Variants in RBM47 observed in about 807,000 individuals in gnomAD.
RBM47 encodes the protein RNA-binding protein 47.
Under a neutral mutation model 47.1 loss-of-function variants are expected in RBM47, and 21 were observed. The observed-to-expected ratio is 0.45, with a 90% CI of 0.32 to 0.64. The LOEUF is 0.64. RBM47 is among the 30% of genes least tolerant of loss of function. The pLI is 0.05. For missense variants in RBM47, 708 were observed against 870.9 expected, an observed-to-expected ratio of 0.81 and a Z score of 2.35; for synonymous variants, 375 against 361.7, an observed-to-expected ratio of 1.04 and a Z score of -0.42.
At chr4:40,580,792 G>C (rs1732821751) in intron 1 of RBM47, among the ~76,000 whole-genome samples, 1 of 152,238 alleles carries the variant, frequency 6.6e-6, no homozygotes, top group Admixed American at 6.5e-5. Context: ...AGTGGTAAAA[G>C]TTGTGAGGTA....
intron 2 of RBM47, among the ~76,000 whole-genome samples, chr4:40,518,419 A>G (rs946479853): frequency 1.3e-5 from 2 of 151,812 alleles, no homozygotes; most frequent in Non-Finnish European, 2.9e-5. Context: ...CAAGTGATCC[A>G]CCTGCCTCGG....
intron 2 of RBM47, among the ~76,000 whole-genome samples, chr4:40,523,488 C>T (rs182591291): frequency 3.3e-5 from 5 of 151,788 alleles, no homozygotes; most frequent in Admixed American, 3.3e-4. Context: ...CTGTCTCTAC[C>T]AAAAATACAA....
chr4:40,456,639 C>T (rs1162118664), intron 3 of RBM47, among the ~76,000 whole-genome samples: 4 of 140,276 alleles, frequency 2.9e-5, no homozygotes, highest in Admixed American at 7.9e-5. Context: ...GATCACGGCT[C>T]ACTGCAGCCT....
intron 2 of RBM47, among the ~76,000 whole-genome samples, chr4:40,493,875 G>A (rs930248626): frequency 1.1e-4 from 17 of 152,002 alleles, no homozygotes; most frequent in Non-Finnish European, 1.6e-4. Context: ...GGAGGCAGAG[G>A]TTGCAGTGAG....
chr4:40,608,046 G>A (rs1463147510), intron 1 of RBM47, among the ~76,000 whole-genome samples: 3 of 151,738 alleles, frequency 2.0e-5, no homozygotes, highest in Non-Finnish European at 4.4e-5. Context: ...AGGTTGCAGT[G>A]AGCTGAGATC....
chr4:40,542,317 A>T (rs965563821), intron 2 of RBM47, among the ~76,000 whole-genome samples: 1 of 151,678 alleles, frequency 6.6e-6, no homozygotes, highest in African/African-American at 2.4e-5. Flanking sequence ...CCCATAGCTC[A>T]TGCTATTCCT....
At chr4:40,595,473 G>A (rs1297559205) in intron 1 of RBM47, among the ~76,000 whole-genome samples, 4 of 151,822 alleles carry the variant, frequency 2.6e-5, no homozygotes, top group South Asian at 2.1e-4. Flanking sequence ...CAGCCTGGGC[G>A]ACAGAGCAAG....
At chr4:40,602,321 T>C (rs1000359390) in intron 1 of RBM47, among the ~76,000 whole-genome samples, 5 of 152,042 alleles carry the variant, frequency 3.3e-5, no homozygotes, top group Admixed American at 6.6e-5. Flanking sequence ...TAAAACAAAA[T>C]GCAATTGTTA....
intron 2 of RBM47, among the ~76,000 whole-genome samples, chr4:40,509,664 G>A (rs948293884): frequency 1.2e-4 from 18 of 150,252 alleles, no homozygotes; most frequent in African/African-American, 4.2e-4. Context: ...GGTGGATCAC[G>A]AGGTCAGGAG....
chr4:40,534,117 C>T (rs1357960242), intron 2 of RBM47, among the ~76,000 whole-genome samples: 1 of 151,444 alleles, frequency 6.6e-6, no homozygotes, highest in East Asian at 1.9e-4. Flanking sequence ...TGCCTGGCGC[C>T]TGGCTAATAT....
At chr4:40,548,273 G>C (rs1577933266) in intron 1 of RBM47, among the ~76,000 whole-genome samples, 1 of 152,190 alleles carries the variant, frequency 6.6e-6, no homozygotes, top group Non-Finnish European at 1.5e-5. Context: ...CTGGTGCAGG[G>C]ACATAAGAGC....
chr4:40,522,504 CAAACAAAACA>C (rs542594625), intron 2 of RBM47, among the ~76,000 whole-genome samples: 11 of 152,104 alleles, frequency 7.2e-5, no homozygotes, highest in African/African-American at 2.2e-4. Flanking sequence ...GACTCCATCT[CAAACAAAACA>C]AAACAAAACA....
chr4:40,481,486 ATTT>A (rs144775587), intron 2 of RBM47, among the ~76,000 whole-genome samples: 17,677 of 105,146 alleles, frequency 0.17, 1,256 homozygotes, highest in East Asian at 0.26. Context: ...TATTATTATT[ATTT>A]TTATTTTTAT....
At chr4:40,489,995 C>G (rs1274564343) in intron 2 of RBM47, among the ~76,000 whole-genome samples, 1 of 152,222 alleles carries the variant, frequency 6.6e-6, no homozygotes, top group Non-Finnish European at 1.5e-5. Context: ...GAAAATCAAT[C>G]AGTGCAATAC....
At chr4:40,432,625 G>T in intron 6 of RBM47, 26 bp downstream of exon 6, 1 of 1,609,872 alleles carries the variant, frequency 6.2e-7, no homozygotes, top group South Asian at 1.1e-5. Context: ...ACACACAAAT[G>T]ACAATGCCTG....
At chr4:40,587,968 G>A (rs1410583015) in intron 1 of RBM47, among the ~76,000 whole-genome samples, 4 of 152,178 alleles carry the variant, frequency 2.6e-5, no homozygotes, top group African/African-American at 9.7e-5. Context: ...AACACCATGG[G>A]TAATATTGCA....
chr4:40,573,020 G>C (rs1165933961), intron 1 of RBM47, among the ~76,000 whole-genome samples: 1 of 151,502 alleles, frequency 6.6e-6, no homozygotes, highest in Non-Finnish European at 1.5e-5. Context: ...GGGTGTGGTG[G>C]TAGGTGCCTG....
chr4:40,523,820 G>A (rs560393876), intron 2 of RBM47, among the ~76,000 whole-genome samples: 7 of 149,066 alleles, frequency 4.7e-5, no homozygotes, highest in Non-Finnish European at 1.0e-4. Context: ...AGCAGTAATC[G>A]CGCCACTGCA....
chr4:40,594,627 C>T (rs552289073), intron 1 of RBM47, among the ~76,000 whole-genome samples: 1 of 152,288 alleles, frequency 6.6e-6, no homozygotes, highest in Non-Finnish European at 1.5e-5. Flanking sequence ...TCTCTGTTCC[C>T]TATATGCAAC....
Sources: gnomAD v4.1 joint callset for allele counts (sites outside exome capture counted in the v4.1 genomes callset) on GRCh38, gnomAD v4.1.1 for gene constraint, MANE v1.5 for transcripts, NCBI Gene and HGNC (gene_info 2026-07-23, HGNC 2026-07-21) for gene names.